The following MCC variants were observed in gnomAD, a reference collection of about 807,000 sequenced individuals.
MCC encodes the protein colorectal mutant cancer protein.
MCC carries 90 observed loss-of-function variants against 116.2 expected under a neutral mutation model. The ratio of observed to expected loss-of-function variants is 0.77; its 90% confidence interval spans 0.65 to 0.92. MCC has a LOEUF of 0.92. Ranked by LOEUF, MCC falls within the 40% of genes least tolerant of loss-of-function variation. The pLI is 0.00. For missense variants in MCC, 1,516 were observed against 1,312.2 expected, an observed-to-expected ratio of 1.16 and a Z score of -2.40; for synonymous variants, 578 against 510.5, an observed-to-expected ratio of 1.13 and a Z score of -1.78.
intron 8 of MCC, among the ~76,000 whole-genome samples, chr5:113,100,067 T>C (rs1756299476): frequency 6.6e-6 from 1 of 152,206 alleles, no homozygotes; most frequent in South Asian, 2.1e-4. Flanking sequence ...CACCTGCTGA[T>C]GCAACTATGG....
intron 8 of MCC, among the ~76,000 whole-genome samples, chr5:113,100,425 A>C (rs6865450): frequency 6.7e-6 from 1 of 148,482 alleles, no homozygotes; most frequent in Non-Finnish European, 1.5e-5. Context: ...AGCAAGAGCA[A>C]TGGTGAAGGA....
At chr5:113,140,037 C>G (rs1409759415) in intron 5 of MCC, among the ~76,000 whole-genome samples, 1 of 152,156 alleles carries the variant, frequency 6.6e-6, no homozygotes, top group Non-Finnish European at 1.5e-5. Flanking sequence ...AAAGGTCTAT[C>G]CAGCATCTCT....
chr5:113,478,768 G>A (rs2150434901), intron 1 of MCC, among the ~76,000 whole-genome samples: 1 of 152,254 alleles, frequency 6.6e-6, no homozygotes, highest in South Asian at 2.1e-4. Context: ...CCAATAATGT[G>A]GCATCATGTT....
At chr5:113,285,239 C>G (rs2150358730) in intron 3 of MCC, among the ~76,000 whole-genome samples, 1 of 152,316 alleles carries the variant, frequency 6.6e-6, no homozygotes, top group South Asian at 2.1e-4. Flanking sequence ...ATGGATCACT[C>G]TGCCCTCTTC....
At chr5:113,326,310 A>T (rs547125454) in intron 3 of MCC, among the ~76,000 whole-genome samples, 1 of 152,326 alleles carries the variant, frequency 6.6e-6, no homozygotes, top group Non-Finnish European at 1.5e-5. Flanking sequence ...GTCTTAGTCC[A>T]CTTGTGCTAC....
At chr5:113,137,439 T>C (rs1170015735) in intron 5 of MCC, among the ~76,000 whole-genome samples, 1 of 152,204 alleles carries the variant, frequency 6.6e-6, no homozygotes, top group African/African-American at 2.4e-5. Context: ...TTTTCTGTCA[T>C]CTACTGAAAT....
chr5:113,114,065 A>G (rs550976753), intron 6 of MCC, among the ~76,000 whole-genome samples: 18 of 150,146 alleles, frequency 1.2e-4, no homozygotes, highest in Admixed American at 1.1e-3. Flanking sequence ...GCATCATGGC[A>G]TCTGCAACTT....
At chr5:113,458,078 CG>C (rs1771628513) in intron 1 of MCC, among the ~76,000 whole-genome samples, 1 of 152,156 alleles carries the variant, frequency 6.6e-6, no homozygotes, top group African/African-American at 2.4e-5. Flanking sequence ...TACCAATCAG[CG>C]GGATGTGGGT....
chr5:113,146,224 C>T (rs1213933674), intron 4 of MCC, among the ~76,000 whole-genome samples: 1 of 5,958 alleles, frequency 1.7e-4, no homozygotes, highest in Non-Finnish European at 4.8e-4. Flanking sequence ...GAGGTGATTA[C>T]AACACATTTT....
chr5:113,163,568 C>T (rs952386569), intron 3 of MCC, among the ~76,000 whole-genome samples: 2 of 152,028 alleles, frequency 1.3e-5, no homozygotes, highest in East Asian at 1.9e-4. Context: ...ACTCACTGCC[C>T]CCATAAAATT....
chr5:113,063,977 G>T lies in MCC; in HGVS notation c.2213+7C>A. 6.2e-7 allele frequency: 1 copy of T among 1,610,046 alleles called. No homozygotes were observed. On this transcript the variant is annotated splice_region_variant and intron_variant, in intron 14 of 18. Coordinates refer to ENST00000408903, the MANE Select transcript of MCC (RefSeq NM_001085377.2). ...CGCCCACCCCAGAGCAGAAGGCTGAGCATTACCTGGTGTGGCTGTTGGAGG... is the reference window on the plus strand; with the variant it reads ...CGCCCACCCCAGAGCAGAAGGCTGATCATTACCTGGTGTGGCTGTTGGAGG...
chr5:113,168,508 T>C (rs1259200833), intron 3 of MCC, among the ~76,000 whole-genome samples: 1 of 152,202 alleles, frequency 6.6e-6, no homozygotes, highest in Non-Finnish European at 1.5e-5. Context: ...ATAAGTTAAA[T>C]GATTTCCATA....
chr5:113,410,592 A>G (rs137855709), intron 1 of MCC, among the ~76,000 whole-genome samples: 2 of 152,336 alleles, frequency 1.3e-5, no homozygotes, highest in African/African-American at 4.8e-5. Flanking sequence ...CTACATCTGC[A>G]TAATGAATTA....
intron 3 of MCC, among the ~76,000 whole-genome samples, chr5:113,272,677 C>G (rs1013432400): frequency 6.6e-6 from 1 of 152,146 alleles, no homozygotes; most frequent in Non-Finnish European, 1.5e-5. Flanking sequence ...TCTAGCAACA[C>G]CAGTAACAAA....
chr5:113,051,209 G>A (rs1264222273), intron 15 of MCC, among the ~76,000 whole-genome samples: 5 of 152,108 alleles, frequency 3.3e-5, no homozygotes, highest in Admixed American at 3.3e-4. Flanking sequence ...CCCCACGGAA[G>A]ACAGTTTCCA....
At chr5:113,404,014 G>C (rs191962940) in intron 1 of MCC, among the ~76,000 whole-genome samples, 3 of 151,982 alleles carry the variant, frequency 2.0e-5, no homozygotes, top group Non-Finnish European at 4.4e-5. Context: ...TTACAGGCAC[G>C]GGTCATCATG....
intron 1 of MCC, among the ~76,000 whole-genome samples, chr5:113,454,996 G>C (rs1350460353): frequency 1.3e-5 from 2 of 152,074 alleles, no homozygotes; most frequent in African/African-American, 4.8e-5. Flanking sequence ...TCTGACCCCA[G>C]GCTCCAGGGT....
intron 3 of MCC, among the ~76,000 whole-genome samples, chr5:113,306,444 T>C (rs1417864799): frequency 3.3e-5 from 5 of 152,214 alleles, no homozygotes; most frequent in African/African-American, 1.2e-4. Context: ...TCTTGCTATG[T>C]GGCTTTGATT....
chr5:113,070,441 G>T (rs896526119), intron 12 of MCC, among the ~76,000 whole-genome samples: 10 of 152,028 alleles, frequency 6.6e-5, no homozygotes, highest in Admixed American at 5.9e-4. Flanking sequence ...GCTCACCAAT[G>T]AGTGAACTGT....
Sources: gnomAD v4.1 joint callset for allele counts (sites outside exome capture counted in the v4.1 genomes callset) on GRCh38, gnomAD v4.1.1 for gene constraint, MANE v1.5 for transcripts, NCBI Gene and HGNC (gene_info 2026-07-23, HGNC 2026-07-21) for gene names.